ELAVL2: variants seen among roughly 807,000 people sequenced by gnomAD.
The protein encoded by ELAVL2 is ELAV-like protein 2.
A neutral mutation model predicts 34.6 loss-of-function variants in ELAVL2; 4 were observed. That is an observed-to-expected ratio of 0.12 (90% confidence interval 0.06 to 0.26). The LOEUF (loss-of-function observed/expected upper bound fraction) is 0.26. Among genes scored for constraint, ELAVL2 ranks in the 10% least tolerant of loss-of-function variants. The pLI is 1.00. For synonymous variants in ELAVL2, 193 were observed against 154.8 expected (o/e 1.25, Z -1.83); for missense variants, 432 against 442.8 (o/e 0.98, Z 0.22).
rs1318732498 is a variant in ELAVL2 at position 23,720,675 on chromosome 9, G to T, written c.333+10347C>A. ...CTATATTCATTAAAAACACATTAGT[G>T]AATCCCAGCCATTCAACATATCTTG... On this transcript the variant is annotated intron_variant, in intron 3 of 6. Coordinates refer to ENST00000397312, the MANE Select transcript of ELAVL2 (RefSeq NM_004432.5). Among the ~76,000 whole-genome samples, 5 of 152,284 alleles carry T rather than the reference G, an allele frequency of 3.3e-5. No individual in the cohort carries two copies. The East Asian group carries it at 9.7e-4, about 29-fold the overall frequency.
chr9:23,813,534 A>G (rs1044618995), intron 1 of ELAVL2, among the ~76,000 whole-genome samples: 3 of 151,944 alleles, frequency 2.0e-5, no homozygotes, highest in African/African-American at 7.3e-5. Flanking sequence ...ACATCCTATC[A>G]GTTTTTACAG....
intron 1 of ELAVL2, among the ~76,000 whole-genome samples, chr9:23,820,863 A>G (rs1378694226): frequency 6.6e-6 from 1 of 152,230 alleles, no homozygotes; most frequent in Non-Finnish European, 1.5e-5. Context: ...CTTCCCGCGC[A>G]GCGCACGCCT....
intron 4 of ELAVL2, among the ~76,000 whole-genome samples, chr9:23,703,376 C>G (rs1012279934): frequency 6.6e-6 from 1 of 152,134 alleles, no homozygotes; most frequent in Non-Finnish European, 1.5e-5. Context: ...CATTATTAGT[C>G]TATGTGATAA....
chr9:23,734,328 T>C (rs2047308015), intron 2 of ELAVL2, among the ~76,000 whole-genome samples: 1 of 152,204 alleles, frequency 6.6e-6, no homozygotes, highest in Admixed American at 6.5e-5. Context: ...TATTTTACTG[T>C]TTAATTGTAG....
At chr9:23,706,494 A>C (rs2039364773) in intron 3 of ELAVL2, among the ~76,000 whole-genome samples, 4 of 152,132 alleles carry the variant, frequency 2.6e-5, no homozygotes, top group Admixed American at 2.0e-4. Context: ...GTAATTGATG[A>C]CTCTCTGCCT....
chr9:23,742,106 A>G (rs1042699817), intron 2 of ELAVL2, among the ~76,000 whole-genome samples: 6 of 152,142 alleles, frequency 3.9e-5, no homozygotes, highest in African/African-American at 1.4e-4. Flanking sequence ...GATTAATACA[A>G]CACACCAACT....
At chr9:23,696,048 T>C (rs1422630513) in intron 5 of ELAVL2, among the ~76,000 whole-genome samples, 1 of 152,182 alleles carries the variant, frequency 6.6e-6, no homozygotes, top group Non-Finnish European at 1.5e-5. Flanking sequence ...CATGATACCA[T>C]GATCTTCACT....
At position 23,691,392 on chromosome 9, in the gene ELAVL2, C is replaced by A. The variant is rs899295931; in HGVS notation, c.*1165G>T. On this transcript the variant is annotated 3_prime_UTR_variant, in exon 7 of 7. Coordinates refer to ENST00000397312, the MANE Select transcript of ELAVL2 (RefSeq NM_004432.5). Reference sequence around the variant, plus strand: ...AACTCAGATCACTTTTGCTGATTTGCTGCAGTACAAATCATGTGCAACGTC... The same window carrying A: ...AACTCAGATCACTTTTGCTGATTTGATGCAGTACAAATCATGTGCAACGTC... 3.3e-5 allele frequency: 5 copies of A among 152,558 alleles called. No individual in the cohort carries two copies. Among genetic ancestry groups the A allele is most frequent in the African/African-American group, 7.2e-5 (3 of 41,442 alleles). 9.5% of individuals were successfully genotyped at this position (152,558 alleles called of 1,614,324 possible).
At chr9:23,803,692 T>C (rs1345304083) in intron 1 of ELAVL2, among the ~76,000 whole-genome samples, 1 of 152,168 alleles carries the variant, frequency 6.6e-6, no homozygotes, top group Non-Finnish European at 1.5e-5. Flanking sequence ...AACTTTTTCC[T>C]TACATGCTAG....
At chr9:23,746,443 C>A (rs118103467) in intron 2 of ELAVL2, among the ~76,000 whole-genome samples, 1 of 152,062 alleles carries the variant, frequency 6.6e-6, no homozygotes, top group Non-Finnish European at 1.5e-5. Flanking sequence ...AGTCACAGAG[C>A]GTTTTCAGAA....
chr9:23,723,739 C>T (rs981079639), intron 3 of ELAVL2, among the ~76,000 whole-genome samples: 3 of 152,062 alleles, frequency 2.0e-5, no homozygotes, highest in Admixed American at 2.0e-4. Context: ...TCCTCAGCCT[C>T]CTTATTATTC....
At chr9:23,721,364 A>C (rs542598041) in intron 3 of ELAVL2, among the ~76,000 whole-genome samples, 1 of 152,362 alleles carries the variant, frequency 6.6e-6, no homozygotes, top group East Asian at 1.9e-4. Context: ...TAAGGCAAGC[A>C]CAAATTTCTA....
chr9:23,802,099 T>C (rs1221860548), intron 1 of ELAVL2, among the ~76,000 whole-genome samples: 2 of 152,172 alleles, frequency 1.3e-5, no homozygotes, highest in African/African-American at 2.4e-5. Context: ...GGGTACCATT[T>C]AGTCAATGTC....
chr9:23,695,283 G>A (rs940399059), intron 5 of ELAVL2, among the ~76,000 whole-genome samples: 2 of 152,142 alleles, frequency 1.3e-5, no homozygotes, highest in Non-Finnish European at 2.9e-5. Flanking sequence ...CGCATACTGA[G>A]GTCTCCAACC....
intron 1 of ELAVL2, among the ~76,000 whole-genome samples, chr9:23,770,666 GA>G (rs1011178568): frequency 6.6e-6 from 1 of 152,158 alleles, no homozygotes; most frequent in African/African-American, 2.4e-5. Context: ...AAAAGGCAAG[GA>G]AACAATCTCT....
chr9:23,808,339 G>A (rs766393203), intron 1 of ELAVL2, among the ~76,000 whole-genome samples: 1 of 151,952 alleles, frequency 6.6e-6, no homozygotes, highest in Non-Finnish European at 1.5e-5. Context: ...ATATCAGCAG[G>A]GAGTATACTG....
chr9:23,815,662 C>CA (rs2063606508), intron 1 of ELAVL2, among the ~76,000 whole-genome samples: 1 of 152,062 alleles, frequency 6.6e-6, no homozygotes, highest in South Asian at 2.1e-4. Flanking sequence ...TATACACAAT[C>CA]AAAGGTTAAG....
intron 1 of ELAVL2, among the ~76,000 whole-genome samples, chr9:23,797,909 C>T (rs530387103): frequency 8.2e-5 from 12 of 146,698 alleles, no homozygotes; most frequent in South Asian, 2.2e-4. Flanking sequence ...GCTTGCGCAA[C>T]AAGAGTGAAA....
intron 3 of ELAVL2, among the ~76,000 whole-genome samples, chr9:23,720,270 T>C (rs963477281): frequency 6.6e-6 from 1 of 151,768 alleles, no homozygotes; most frequent in African/African-American, 2.4e-5. Context: ...CCTCCCAAGT[T>C]CAAGTAATTC....
Sources: allele counts gnomAD v4.1 joint callset (sites outside exome capture counted in the v4.1 genomes callset), GRCh38; gene constraint gnomAD v4.1.1; transcripts MANE v1.5; gene names NCBI Gene and HGNC (gene_info 2026-07-23, HGNC 2026-07-21).